ZNF556: variants seen among roughly 807,000 people sequenced by gnomAD.
ZNF556 encodes zinc finger protein 556.
In ZNF556, 11 loss-of-function variants were observed where a neutral mutation model predicts 13.6. The ratio of observed to expected loss-of-function variants is 0.81; its 90% CI spans 0.51 to 1.33. The LOEUF (loss-of-function observed/expected upper bound fraction) is 1.33. Ranked by LOEUF, ZNF556 falls within the 40% of genes most tolerant of loss-of-function variation. The pLI is 0.00. For missense variants in ZNF556, 633 were observed against 566.2 expected (o/e 1.12, Z -1.20); for synonymous variants, 229 against 207.8 (o/e 1.10, Z -0.88).
chr19:2,882,563 T>G lies in ZNF556; in HGVS notation c.*4234T>G, dbSNP rs1484587800. The G allele has an allele frequency of 6.6e-6, 1 of 151,354 alleles. No individual in the cohort carries two copies. Among genetic ancestry groups the G allele is most frequent in the African/African-American group, 2.5e-5 (1 of 40,460 alleles). The allele number at this position is 151,354 out of a possible 1,614,324, so 9.4% of individuals were successfully genotyped here. A position where few individuals can be genotyped will look rare whatever the true frequency, so the allele number is the denominator to read the frequency against. On this transcript the variant is annotated 3_prime_UTR_variant, in exon 4 of 4. Coordinates refer to ENST00000307635, the MANE Select transcript of ZNF556 (RefSeq NM_024967.3). ...GTGTGTGTGTGTGTGTGTGTGTGTGTGTGAATGTGTGTGACGGAGTTTTGC... is the reference window on the plus strand; with the variant it reads ...GTGTGTGTGTGTGTGTGTGTGTGTGGGTGAATGTGTGTGACGGAGTTTTGC...
chr19:2,868,343 G>C (rs530663637), intron 1 of ZNF556, among the ~76,000 whole-genome samples: 1 of 152,188 alleles, frequency 6.6e-6, no homozygotes, highest in Non-Finnish European at 1.5e-5. Flanking sequence ...ACAAAAACTC[G>C]CTAAAATATC....
chr19:2,871,158 C>T (rs1320416854), intron 1 of ZNF556, among the ~76,000 whole-genome samples: 2 of 143,628 alleles, frequency 1.4e-5, no homozygotes, highest in Non-Finnish European at 3.0e-5. Flanking sequence ...AGTGAGATGC[C>T]GTCTCAAGAA....
Position 2,881,069 on chromosome 19 carries a change from T to C in ZNF556, c.*2740T>C, listed in dbSNP as rs2087901259. The stretch of plus-strand genomic sequence containing the variant: ...TTTTAGTAGAGACGGGGTTTCACTA[T>C]GCTGGCCAGGCTGGTCTCGATCTCC... On this transcript the variant is annotated 3_prime_UTR_variant, in exon 4 of 4. Transcript: ENST00000307635. The C allele has an allele frequency of 6.6e-6, 1 of 151,870 alleles. No homozygotes were observed. The highest frequency in any genetic ancestry group is 1.5e-5 in the Non-Finnish European group (1 of 68,034). The allele number at this position is 151,870 out of a possible 1,614,324, so 9.4% of individuals were successfully genotyped here. A position where few individuals can be genotyped will look rare whatever the true frequency, so the allele number is the denominator to read the frequency against.
In ZNF556 at chr19:2,879,136, A is replaced by C. The variant is rs1289422682; in HGVS notation, c.*807A>C. On this transcript the variant is annotated 3_prime_UTR_variant, in exon 4 of 4. Transcript: ENST00000307635. ...ACTATTTTTAATGTTAATACTTTCT[A>C]CTTATACAGGCAAGTAATTCAGTGG... The C allele has an allele frequency of 6.6e-6, 1 of 152,044 alleles. No homozygotes were observed. The highest frequency in any genetic ancestry group is 1.5e-5 in the Non-Finnish European group (1 of 68,024). 9.4% of individuals were successfully genotyped at this position (152,044 alleles called of 1,614,324 possible).
At chr19:2,870,963 T>C (rs1325548367) in intron 1 of ZNF556, among the ~76,000 whole-genome samples, 1 of 146,468 alleles carries the variant, frequency 6.8e-6, no homozygotes. Flanking sequence ...CACTTGAACC[T>C]TGGAGGTGGA....
At chr19:2,870,375 C>G (rs1000786223) in intron 1 of ZNF556, among the ~76,000 whole-genome samples, 1 of 152,086 alleles carries the variant, frequency 6.6e-6, no homozygotes, top group South Asian at 2.1e-4. Flanking sequence ...TGGCTTGAGC[C>G]CAGGAGTTCA....
rs778260229 is a variant in ZNF556, at chr19:2,878,021, C to A, written c.1063C>A (p.Pro355Thr). 13 of 1,614,094 alleles carry A rather than the reference C, an allele frequency of 8.1e-6. No homozygotes were observed. The South Asian group carries it at 1.3e-4, about 16-fold the overall frequency. Residue 355 changes from proline (P) to threonine (T), a missense_variant, in exon 4 of 4, where the codon CCT becomes ACT. Coordinates refer to ENST00000307635, the MANE Select transcript of ZNF556 (RefSeq NM_024967.3). ...GGSVGKSSAR[P>T]RPSTDVKSQT... ...CAGCGTGGGAAAGTCTTCCGCGAGG[C>A]CTCGCCCCTCCACAGATGTCAAATC...
chr19:2,880,333 T>TA lies in ZNF556; in HGVS notation c.*2008dup, dbSNP rs2087895165. On this transcript the variant is annotated 3_prime_UTR_variant, in exon 4 of 4. Coordinates refer to ENST00000307635, the MANE Select transcript of ZNF556 (RefSeq NM_024967.3). ...AGAAGTTGGATTCTATACAAATGGA[T>TA]AAAATGTTTCTTAGAAATAGCCTAT... 1 of 152,228 alleles carries TA rather than the reference T, an allele frequency of 6.6e-6. No individual in the cohort carries two copies. The highest frequency in any genetic ancestry group is 6.5e-5 in the Admixed American group (1 of 15,272). The allele number at this position is 152,228 out of a possible 1,614,324, so 9.4% of individuals were successfully genotyped here.
At position 2,868,870 on chromosome 19, in the gene ZNF556, G is replaced by A. The variant is rs141836313; in HGVS notation, c.3+1446G>A. 3.2e-3 allele frequency among the ~76,000 whole-genome samples: 476 copies of A among 151,048 alleles called. 1 individual carries two copies. Among genetic ancestry groups the A allele is most frequent in the African/African-American group, 0.011 (441 of 41,072 alleles). Reference sequence around the variant, plus strand: ...AATAGCTGGGATTACAGGCACGTGTGGCCACACCCAGCTAATTTTTGTATT... The same window carrying A: ...AATAGCTGGGATTACAGGCACGTGTAGCCACACCCAGCTAATTTTTGTATT... On this transcript the variant is annotated intron_variant, in intron 1 of 3. Transcript: ENST00000307635.
chr19:2,876,989 G>A (rs1461179463), intron 3 of ZNF556, among the ~76,000 whole-genome samples: 2 of 151,984 alleles, frequency 1.3e-5, no homozygotes, highest in Admixed American at 1.3e-4. Context: ...AAGGTAGGTG[G>A]GTCACCTGTG....
intron 2 of ZNF556, among the ~76,000 whole-genome samples, chr19:2,874,093 C>T (rs956762347): frequency 7.2e-5 from 11 of 151,772 alleles, no homozygotes; most frequent in Admixed American, 5.3e-4. Context: ...GCCATCTCTA[C>T]TAAAATACAA....
chr19:2,877,201 A>C (rs2087859340), intron 3 of ZNF556, 72 bp from the exon 4 acceptor site: 1 of 1,307,178 alleles, frequency 7.7e-7, no homozygotes. Context: ...CAAGAGCAAA[A>C]CTCCATCTCA....
Position 2,877,642 on chromosome 19 carries a change from G to A in ZNF556, c.684G>A (p.Glu228=), listed in dbSNP as rs1194145092. 6.2e-7 allele frequency: 1 copy of A among 1,614,230 alleles called. No homozygotes were observed. The highest frequency in any genetic ancestry group is 1.7e-5 in the Admixed American group (1 of 60,012). ...AACATGTAAGGACTCACACTGGAGA[G>A]AAACCCTACGAATGTGGGCAGTGTG... is the stretch of plus-strand genomic sequence containing the variant. ...LTEHVRTHTG[E]KPYECGQCGK... is the part of the protein sequence containing the mutation. Residue 228 remains glutamate, a synonymous_variant, in exon 4 of 4, where the codon GAG becomes GAA. Coordinates refer to ENST00000307635, the MANE Select transcript of ZNF556 (RefSeq NM_024967.3).
chr19:2,877,235 A>G (rs555517338), intron 3 of ZNF556, 38 bp from the exon 4 acceptor site: 1 of 1,491,048 alleles, frequency 6.7e-7, no homozygotes, highest in East Asian at 2.3e-5. Context: ...AGAAATTATT[A>G]AGGCATAAAC....
chr19:2,873,674 C>G (rs1242845279), intron 2 of ZNF556, 52 bp downstream of exon 2: 4 of 1,584,932 alleles, frequency 2.5e-6, no homozygotes, highest in East Asian at 2.3e-5. Flanking sequence ...AATGTTTTGT[C>G]TGGTTGCAGT....
chr19:2,871,828 G>A (rs946343645), intron 1 of ZNF556, among the ~76,000 whole-genome samples: 1 of 152,192 alleles, frequency 6.6e-6, no homozygotes, highest in Non-Finnish European at 1.5e-5. Context: ...GGCCCCGAAT[G>A]CCAGGCTGCA....
In ZNF556 at chr19:2,877,256, G is replaced by A. The variant is rs748676708; in HGVS notation, c.315-17G>A. The A allele has an allele frequency of 1.9e-6, 3 of 1,572,782 alleles. No homozygotes were observed. The highest frequency in any genetic ancestry group is 2.7e-5 in the African/African-American group (2 of 73,144). ...TATTAAGGCATAAACCATTAATAAT[G>A]TGCTACCCATTTTTAGCAGAAATCC... On this transcript the variant is annotated splice_polypyrimidine_tract_variant and intron_variant, in intron 3 of 3. Transcript: ENST00000307635.
In ZNF556 at chr19:2,879,565, G is replaced by A. The variant is rs1370923069; in HGVS notation, c.*1236G>A. On this transcript the variant is annotated 3_prime_UTR_variant, in exon 4 of 4. Coordinates refer to ENST00000307635, the MANE Select transcript of ZNF556 (RefSeq NM_024967.3). Reference sequence around the variant, plus strand: ...GGGTTTCACCATGTTGGCCAGGGTGGTCTCAAACTCCTGAAATCTGCCCGC... The same window carrying A: ...GGGTTTCACCATGTTGGCCAGGGTGATCTCAAACTCCTGAAATCTGCCCGC... 6.6e-6 allele frequency: 1 copy of A among 152,076 alleles called. No homozygotes were observed. Among genetic ancestry groups the A allele is most frequent in the Admixed American group, 6.6e-5 (1 of 15,222 alleles). The allele number at this position is 152,076 out of a possible 1,614,324, so 9.4% of individuals were successfully genotyped here. A position where few individuals can be genotyped will look rare whatever the true frequency, so the allele number is the denominator to read the frequency against.
intron 1 of ZNF556, among the ~76,000 whole-genome samples, chr19:2,871,606 G>A (rs1165980835): frequency 6.6e-6 from 1 of 152,164 alleles, no homozygotes; most frequent in Non-Finnish European, 1.5e-5. Flanking sequence ...GAGGCCAGGG[G>A]TTCGAGACCA....
Sources: gnomAD v4.1 joint callset for allele counts (sites outside exome capture counted in the v4.1 genomes callset) on GRCh38, gnomAD v4.1.1 for gene constraint, MANE v1.5 for transcripts, NCBI Gene and HGNC (gene_info 2026-07-23, HGNC 2026-07-21) for gene names.